The following HEG1 variants were observed in gnomAD, a reference collection of about 807,000 sequenced individuals.
The protein encoded by HEG1 is protein HEG homolog 1.
HEG1 carries 56 observed loss-of-function variants against 125.6 expected under a neutral mutation model. The ratio of observed to expected loss-of-function variants is 0.45; its 90% CI spans 0.36 to 0.56. HEG1 has a LOEUF of 0.56. HEG1 is among the 20% of genes least tolerant of loss of function. HEG1 has a pLI of 0.00. For synonymous variants in HEG1, 644 were observed against 668.5 expected (o/e 0.96, Z 0.57); for missense variants, 1,523 against 1,670.0 (o/e 0.91, Z 1.53).
At position 124,969,983 on chromosome 3, in the gene HEG1, TA is replaced by T. The variant is rs1226022246; in HGVS notation, c.*668del. On this transcript the variant is annotated 3_prime_UTR_variant, in exon 17 of 17. Coordinates refer to ENST00000311127, the MANE Select transcript of HEG1 (RefSeq NM_020733.2). ...CTTAAATACATGTGTCACCTTGACT[TA>T]AAAAACACATTGCAGTTGTGTGCGG... 2 of 152,190 alleles carry T rather than the reference TA, an allele frequency of 1.3e-5. No homozygotes were observed. Among genetic ancestry groups the T allele is most frequent in the Admixed American group, 6.5e-5 (1 of 15,284 alleles). The allele number at this position is 152,190 out of a possible 1,614,324, so 9.4% of individuals were successfully genotyped here.
intron 14 of HEG1, among the ~76,000 whole-genome samples, chr3:124,980,127 C>T (rs1337531268): frequency 1.3e-5 from 2 of 152,234 alleles, no homozygotes; most frequent in Admixed American, 6.5e-5. Context: ...AATTTATCCA[C>T]TTTTCTTCAT....
chr3:125,022,239 A>G (rs893292020), intron 3 of HEG1, among the ~76,000 whole-genome samples: 1 of 152,212 alleles, frequency 6.6e-6, no homozygotes, highest in African/African-American at 2.4e-5. Context: ...TAAAAATAAT[A>G]AAAAGTACTC....
At chr3:124,975,552 T>C (rs1297931422) in intron 15 of HEG1, among the ~76,000 whole-genome samples, 3 of 152,198 alleles carry the variant, frequency 2.0e-5, no homozygotes, top group African/African-American at 7.2e-5. Flanking sequence ...AGTTCACATA[T>C]CATGCGATTC....
At chr3:124,989,718 C>G (rs535113015) in intron 14 of HEG1, among the ~76,000 whole-genome samples, 24 of 152,298 alleles carry the variant, frequency 1.6e-4, no homozygotes, top group African/African-American at 5.5e-4. Context: ...AAGTGTGTCT[C>G]TAGCATGCCT....
intron 2 of HEG1, among the ~76,000 whole-genome samples, chr3:125,028,159 TG>T (rs1937445173): frequency 6.6e-6 from 1 of 152,190 alleles, no homozygotes; most frequent in Non-Finnish European, 1.5e-5. Context: ...TCTGCCTGGG[TG>T]GTCCCTTTGA....
Position 125,012,616 on chromosome 3 carries a change from G to A in HEG1, c.2956+7C>T, listed in dbSNP as rs1311434850. ...AGTTAACATGTGCTTGTGTGACTGT[G>A]TTTTACCTGAGGCTGAAGAGGACAC... is the stretch of plus-strand genomic sequence containing the variant. On this transcript the variant is annotated splice_region_variant and intron_variant, in intron 6 of 16. Transcript: ENST00000311127. 6.2e-7 allele frequency: 1 copy of A among 1,610,078 alleles called. No homozygotes were observed. The highest frequency in any genetic ancestry group is 1.1e-5 in the South Asian group (1 of 90,050).
Position 125,019,611 on chromosome 3 carries a change from T to C in HEG1, c.1253-14A>G, listed in dbSNP as rs748772347. 1 of 1,588,142 alleles carries C rather than the reference T, an allele frequency of 6.3e-7. No homozygotes were observed. The highest frequency in any genetic ancestry group is 8.6e-7 in the Non-Finnish European group (1 of 1,160,970). On this transcript the variant is annotated splice_polypyrimidine_tract_variant and intron_variant, in intron 4 of 16. Coordinates refer to ENST00000311127, the MANE Select transcript of HEG1 (RefSeq NM_020733.2). ...GTTCTCCAAAGGCTGTAAGGTAATA[T>C]AGGAAAAAAAGGCCATTACATAGGT...
At position 124,970,551 on chromosome 3, in the gene HEG1, G is replaced by A. The variant is rs148381610; in HGVS notation, c.*101C>T. On this transcript the variant is annotated 3_prime_UTR_variant, in exon 17 of 17. Transcript: ENST00000311127. ...TCCCTCTTCCTGCTTGCCACTCAGC[G>A]TGGCTCCCGACAAATCCTGGGCGCA... The A allele has an allele frequency of 1.2e-4, 126 of 1,069,414 alleles. No individual in the cohort carries two copies. The highest frequency in any genetic ancestry group is 3.0e-4 in the Middle Eastern group (1 of 3,290). The allele number at this position is 1,069,414 out of a possible 1,614,324, so 66.2% of individuals were successfully genotyped here.
intron 1 of HEG1, 64 bp downstream of exon 1, chr3:125,055,511 C>G (rs1469006535): frequency 9.2e-7 from 1 of 1,082,596 alleles, no homozygotes; most frequent in African/African-American, 1.7e-5. Flanking sequence ...GGGGATGCAG[C>G]CCGGGGCGCG....
intron 1 of HEG1, among the ~76,000 whole-genome samples, chr3:125,053,437 G>A (rs1222888798): frequency 6.6e-6 from 1 of 152,098 alleles, no homozygotes; most frequent in Non-Finnish European, 1.5e-5. Flanking sequence ...CTAGATCCTT[G>A]GCCATATGAG....
At chr3:124,990,905 ATTT>A (rs1936822394) in intron 13 of HEG1, 36 bp downstream of exon 13, 1 of 1,553,908 alleles carries the variant, frequency 6.4e-7, no homozygotes, top group South Asian at 1.2e-5. Flanking sequence ...TCTAAATAAG[ATTT>A]GTAACAAAAT....
At chr3:124,980,476 C>A (rs1936628275) in intron 14 of HEG1, among the ~76,000 whole-genome samples, 1 of 152,216 alleles carries the variant, frequency 6.6e-6, no homozygotes, top group Admixed American at 6.5e-5. Context: ...AGATGGTGTA[C>A]ACCAGTGCTT....
intron 1 of HEG1, among the ~76,000 whole-genome samples, chr3:125,046,398 T>TAC (rs10522507): frequency 0.046 from 6,446 of 141,524 alleles, 144 homozygotes; most frequent in East Asian, 0.067. Flanking sequence ...TATATACACA[T>TAC]ACACACACAC....
chr3:125,013,415 A>T lies in HEG1; in HGVS notation c.2164T>A (p.Ser722Thr), dbSNP rs751776558. ...WSSSPSPLPV[S>T]LTTSTSAPLS... ...GGGGCAGATGTAGATGTCGTTAAGG[A>T]TACTGGTAAAGGTGATGGTGAGGAA... The change falls in exon 6 of 17, where the codon TCC (serine) becomes ACC (threonine). Residue 722 changes from serine to threonine, a missense_variant. Transcript: ENST00000311127. 2.7e-5 allele frequency: 44 copies of T among 1,613,830 alleles called. No homozygotes were observed. Among genetic ancestry groups the T allele is most frequent in the Non-Finnish European group, 3.5e-5 (41 of 1,179,890 alleles).
intron 1 of HEG1, among the ~76,000 whole-genome samples, chr3:125,038,498 G>A (rs1446550133): frequency 6.6e-6 from 1 of 152,176 alleles, no homozygotes; most frequent in Non-Finnish European, 1.5e-5. Context: ...AACACCCCCA[G>A]CCCACCCCTA....
Position 124,973,862 on chromosome 3 carries a change from C to T in HEG1, c.3865G>A (p.Asp1289Asn). Residue 1289 changes from aspartate to asparagine, a missense_variant, in exon 16 of 17, where the codon GAT becomes AAT. Transcript: ENST00000311127. Reference protein sequence around the residue: ...DISKLIFKSGDFQMSPYAEYP... With the variant: ...DISKLIFKSGNFQMSPYAEYP... ...TCAGCATACGGGGACATTTGGAAATCTCCACTTTTGAAGATGAGTTTGCTT... is the reference window on the plus strand; with the variant it reads ...TCAGCATACGGGGACATTTGGAAATTTCCACTTTTGAAGATGAGTTTGCTT... 1 of 1,612,970 alleles carries T rather than the reference C, an allele frequency of 6.2e-7. No homozygotes were observed. The highest frequency in any genetic ancestry group is 8.5e-7 in the Non-Finnish European group (1 of 1,179,330).
At chr3:124,987,512 T>C (rs1426491221) in intron 14 of HEG1, among the ~76,000 whole-genome samples, 2 of 151,354 alleles carry the variant, frequency 1.3e-5, no homozygotes, top group African/African-American at 4.9e-5. Flanking sequence ...AGCCTCTCTG[T>C]TTCTTTTTTT....
intron 11 of HEG1, 119 bp from the exon 12 acceptor site, chr3:124,997,942 A>C (rs1936947342): frequency 8.2e-7 from 1 of 1,224,200 alleles, no homozygotes; most frequent in African/African-American, 1.5e-5. Flanking sequence ...AGAGGCTGAG[A>C]ACAGTTTTCC....
chr3:124,997,750 A>G lies in HEG1; in HGVS notation c.3591T>C (p.Val1197=). The change falls in exon 12 of 17, where the codon GTT becomes GTC. Residue 1197 remains valine (V), a synonymous_variant. Coordinates refer to ENST00000311127, the MANE Select transcript of HEG1 (RefSeq NM_020733.2). ...ATCCCGACTTGCACTGGCACAGGGC[A>G]ACGCCGTCCAGGTCAGTGCAGATGG... ...DTSICTDLDG[V]ALCQCKSGYF... is the part of the protein sequence containing the mutation. The G allele has an allele frequency of 6.3e-7, 1 of 1,597,928 alleles. No individual in the cohort carries two copies. Among genetic ancestry groups the G allele is most frequent in the African/African-American group, 1.3e-5 (1 of 74,878 alleles).
Sources: allele counts gnomAD v4.1 joint callset (sites outside exome capture counted in the v4.1 genomes callset), GRCh38; gene constraint gnomAD v4.1.1; transcripts MANE v1.5; gene names NCBI Gene and HGNC (gene_info 2026-07-23, HGNC 2026-07-21).